Variants in MYO6 observed in about 807,000 individuals in gnomAD.
MYO6 encodes unconventional myosin-VI.
In MYO6, 74 loss-of-function variants were observed where a neutral mutation model predicts 178.7. The observed-to-expected ratio is 0.41, with a 90% CI of 0.34 to 0.50. The LOEUF (loss-of-function observed/expected upper bound fraction) is 0.50. Among genes scored for constraint, MYO6 ranks in the 20% least tolerant of loss-of-function variants. The pLI is 0.09. For missense variants in MYO6, 1,330 were observed against 1,547.4 expected (o/e 0.86, Z 2.36); for synonymous variants, 477 against 504.6 (o/e 0.95, Z 0.73).
At chr6:75,836,452 A>G (rs1773653386) in intron 7 of MYO6, among the ~76,000 whole-genome samples, 1 of 152,146 alleles carries the variant, frequency 6.6e-6, no homozygotes, top group Non-Finnish European at 1.5e-5. Context: ...GGCCTAGACT[A>G]CCATTATGTT....
At chr6:75,820,409 G>A (rs575633284) in intron 2 of MYO6, among the ~76,000 whole-genome samples, 3 of 152,028 alleles carry the variant, frequency 2.0e-5, no homozygotes, top group African/African-American at 4.8e-5. Context: ...TGCTATTGTC[G>A]CCCAGGCTGG....
At chr6:75,842,208 A>G (rs1221340619) in intron 9 of MYO6, among the ~76,000 whole-genome samples, 2 of 151,996 alleles carry the variant, frequency 1.3e-5, no homozygotes, top group Non-Finnish European at 2.9e-5. Context: ...ACATGCACAC[A>G]CACACACACA....
rs369400589 is a variant in MYO6, at chr6:75,900,198, G to A, written c.3176+1787G>A. 9.9e-5 allele frequency among the ~76,000 whole-genome samples: 15 copies of A among 151,908 alleles called. No individual in the cohort carries two copies. The South Asian group carries it at 2.1e-3, about 21-fold the overall frequency. On this transcript the variant is annotated intron_variant, in intron 30 of 34. Coordinates refer to ENST00000369977, the MANE Select transcript of MYO6 (RefSeq NM_004999.4). Reference sequence around the variant, plus strand: ...GTGAATAATGCCACAATAAACATACGTGTGCATGTGTCTTTATAGCAGCAT... The same window carrying A: ...GTGAATAATGCCACAATAAACATACATGTGCATGTGTCTTTATAGCAGCAT...
At chr6:75,805,955 G>C (rs1190587252) in intron 1 of MYO6, among the ~76,000 whole-genome samples, 1 of 152,112 alleles carries the variant, frequency 6.6e-6, no homozygotes, top group East Asian at 1.9e-4. Context: ...AACATGTTTA[G>C]TTAGAATGAA....
At chr6:75,825,594 T>C (rs1481303789) in intron 3 of MYO6, among the ~76,000 whole-genome samples, 2 of 152,304 alleles carry the variant, frequency 1.3e-5, no homozygotes, top group East Asian at 3.9e-4. Context: ...GCTCTGTCTC[T>C]AAATAATAAA....
chr6:75,847,035 T>C (rs941656154), intron 10 of MYO6, among the ~76,000 whole-genome samples: 2 of 152,146 alleles, frequency 1.3e-5, no homozygotes, highest in Non-Finnish European at 2.9e-5. Context: ...CTTTAGGTTG[T>C]GTGTAATTTT....
At chr6:75,786,489 T>A (rs1045740082) in intron 1 of MYO6, among the ~76,000 whole-genome samples, 2 of 152,256 alleles carry the variant, frequency 1.3e-5, no homozygotes, top group Non-Finnish European at 2.9e-5. Flanking sequence ...AACTGACATT[T>A]TCAGTAGCAT....
chr6:75,799,116 C>T (rs764379621), intron 1 of MYO6, among the ~76,000 whole-genome samples: 4 of 152,160 alleles, frequency 2.6e-5, no homozygotes, highest in South Asian at 2.1e-4. Context: ...AAACCAGGCG[C>T]GGTGGCTCAT....
chr6:75,828,447 A>T, intron 3 of MYO6, 93 bp from the exon 4 acceptor site: 1 of 792,412 alleles, frequency 1.3e-6, no homozygotes, highest in Non-Finnish European at 2.2e-6. Flanking sequence ...ATTGATTTTT[A>T]GGATGAGTCA....
chr6:75,827,001 T>C (rs1051892549), intron 3 of MYO6, among the ~76,000 whole-genome samples: 2 of 152,220 alleles, frequency 1.3e-5, no homozygotes, highest in African/African-American at 4.8e-5. Flanking sequence ...GAGGTAGTTA[T>C]GGCAAGAGGC....
chr6:75,858,666 T>C (rs1775938548), intron 13 of MYO6, among the ~76,000 whole-genome samples: 1 of 152,150 alleles, frequency 6.6e-6, no homozygotes. Context: ...ACAACATTTA[T>C]CTCATTTGAG....
chr6:75,886,535 T>A (rs1173893579), intron 24 of MYO6, among the ~76,000 whole-genome samples: 2 of 152,234 alleles, frequency 1.3e-5, no homozygotes, highest in Non-Finnish European at 2.9e-5. Context: ...ATTTTTAATT[T>A]ACACTTTTAA....
At chr6:75,829,599 T>A (rs1772858946) in intron 4 of MYO6, among the ~76,000 whole-genome samples, 1 of 151,612 alleles carries the variant, frequency 6.6e-6, no homozygotes, top group Non-Finnish European at 1.5e-5. Context: ...ATACTTGCCA[T>A]CTTCTAGTTA....
intron 16 of MYO6, among the ~76,000 whole-genome samples, chr6:75,863,994 A>G (rs1264364623): frequency 6.6e-6 from 1 of 152,126 alleles, no homozygotes; most frequent in Non-Finnish European, 1.5e-5. Flanking sequence ...AGCACAGACA[A>G]TGTGCTAGCC....
At chr6:75,795,514 G>A (rs988769774) in intron 1 of MYO6, among the ~76,000 whole-genome samples, 1 of 152,074 alleles carries the variant, frequency 6.6e-6, no homozygotes, top group African/African-American at 2.4e-5. Flanking sequence ...GGTTTTATCA[G>A]GTTTTATAGA....
chr6:75,765,984 C>T (rs996178450), intron 1 of MYO6, among the ~76,000 whole-genome samples: 4 of 152,074 alleles, frequency 2.6e-5, no homozygotes, highest in African/African-American at 9.7e-5. Context: ...GATATAATTG[C>T]ACCACTGAAC....
chr6:75,855,305 A>G (rs766754056), intron 12 of MYO6, 22 bp downstream of exon 12: 1 of 1,611,958 alleles, frequency 6.2e-7, no homozygotes, highest in Non-Finnish European at 8.5e-7. Flanking sequence ...AAGTAATTGC[A>G]CTGCAAAAAT....
intron 1 of MYO6, among the ~76,000 whole-genome samples, chr6:75,804,683 A>T (rs1583135993): frequency 1.3e-5 from 2 of 152,096 alleles, no homozygotes; most frequent in Admixed American, 1.3e-4. Flanking sequence ...GGTACATGGT[A>T]GGTGGCTAAA....
intron 1 of MYO6, among the ~76,000 whole-genome samples, chr6:75,795,092 C>T (rs916446165): frequency 6.6e-6 from 1 of 152,132 alleles, no homozygotes; most frequent in African/African-American, 2.4e-5. Context: ...TAACTGAGTA[C>T]TTGAACTACT....
Sources: allele counts gnomAD v4.1 joint callset (sites outside exome capture counted in the v4.1 genomes callset), GRCh38; gene constraint gnomAD v4.1.1; transcripts MANE v1.5; gene names NCBI Gene and HGNC (gene_info 2026-07-23, HGNC 2026-07-21).